TENM2: variants seen among roughly 807,000 people sequenced by gnomAD.
The protein encoded by TENM2 is teneurin transmembrane protein 2, also known as teneurin-2.
In TENM2, 52 loss-of-function variants were observed where a neutral mutation model predicts 245.2. The observed-to-expected ratio is 0.21, with a 90% CI of 0.17 to 0.27. The LOEUF (loss-of-function observed/expected upper bound fraction) is 0.27, where lower values mean the gene tolerates loss of function less well. Among genes scored for constraint, TENM2 ranks in the 10% least tolerant of loss-of-function variants. The pLI is 1.00. For synonymous variants in TENM2, 1,363 were observed against 1,438.9 expected, an observed-to-expected ratio of 0.95 and a Z score of 1.19; for missense variants, 3,046 against 3,666.8, an observed-to-expected ratio of 0.83 and a Z score of 4.37.
the TENM2 span, among the ~76,000 whole-genome samples, chr5:167,085,098 T>A: frequency 6.6e-6 from 1 of 152,056 alleles, no homozygotes; most frequent in South Asian, 2.1e-4. Context: ...CAAGAGACAA[T>A]GTAAAGGCAA....
At chr5:167,411,757 T>C (rs1387320588) in intron 2 of TENM2, among the ~76,000 whole-genome samples, 1 of 152,104 alleles carries the variant, frequency 6.6e-6, no homozygotes, top group Non-Finnish European at 1.5e-5. Context: ...TGCAAAATCA[T>C]GTTATTAAAA....
intron 2 of TENM2, among the ~76,000 whole-genome samples, chr5:167,744,906 C>A (rs1445993345): frequency 6.6e-6 from 1 of 152,166 alleles, no homozygotes; most frequent in African/African-American, 2.4e-5. Context: ...TTTAATATGT[C>A]AATTATTCCC....
At chr5:167,198,426 G>A in the TENM2 span, among the ~76,000 whole-genome samples, 1 of 152,084 alleles carries the variant, frequency 6.6e-6, no homozygotes, top group Non-Finnish European at 1.5e-5. Context: ...TGATCTAGGT[G>A]TGACCCCTCT....
intron 7 of TENM2, among the ~76,000 whole-genome samples, chr5:168,081,140 G>A (rs1263426551): frequency 1.3e-5 from 2 of 152,170 alleles, no homozygotes; most frequent in Non-Finnish European, 1.5e-5. Context: ...ATATATTTAG[G>A]ATAGTTAGCT....
chr5:167,892,754 C>T (rs535129616), intron 3 of TENM2, among the ~76,000 whole-genome samples: 1 of 152,314 alleles, frequency 6.6e-6, no homozygotes, highest in Non-Finnish European at 1.5e-5. Flanking sequence ...ATGCCTTATT[C>T]CCTTCCCCAT....
intron 4 of TENM2, among the ~76,000 whole-genome samples, chr5:167,962,170 T>A (rs1781063230): frequency 1.3e-5 from 2 of 152,166 alleles, no homozygotes; most frequent in African/African-American, 4.8e-5. Context: ...CTTCTTCAGA[T>A]CCTTTGAATA....
At chr5:167,691,045 T>C (rs2150405450) in intron 2 of TENM2, among the ~76,000 whole-genome samples, 1 of 151,696 alleles carries the variant, frequency 6.6e-6, no homozygotes, top group Admixed American at 6.6e-5. Flanking sequence ...ACCAGAAACT[T>C]TGAAGACAAA....
chr5:167,151,730 G>A, the TENM2 span, among the ~76,000 whole-genome samples: 235 of 152,234 alleles, frequency 1.5e-3, 1 homozygote, highest in African/African-American at 5.2e-3. Flanking sequence ...TGTTGGCCAC[G>A]ACGGTCTTGA....
the TENM2 span, among the ~76,000 whole-genome samples, chr5:167,064,362 G>A: frequency 6.6e-6 from 1 of 152,206 alleles, no homozygotes; most frequent in East Asian, 1.9e-4. Flanking sequence ...GTGCAGAAAA[G>A]GGAAGCAGCT....
chr5:167,033,877 T>A, the TENM2 span, among the ~76,000 whole-genome samples: 3 of 152,344 alleles, frequency 2.0e-5, no homozygotes, highest in East Asian at 3.9e-4. Flanking sequence ...TGTGACTCAA[T>A]AAATTTTTTA....
At chr5:167,984,271 G>A (rs991956030) in intron 4 of TENM2, among the ~76,000 whole-genome samples, 1 of 152,174 alleles carries the variant, frequency 6.6e-6, no homozygotes, top group African/African-American at 2.4e-5. Flanking sequence ...ATGAGGAAAT[G>A]TTTCTATGTA....
At chr5:167,523,444 C>T (rs1377167140) in intron 2 of TENM2, among the ~76,000 whole-genome samples, 1 of 151,992 alleles carries the variant, frequency 6.6e-6, no homozygotes, top group Non-Finnish European at 1.5e-5. Flanking sequence ...CGATTCAATT[C>T]AATTCAACAA....
chr5:167,018,486 G>C, the TENM2 span, among the ~76,000 whole-genome samples: 1 of 151,758 alleles, frequency 6.6e-6, no homozygotes, highest in Non-Finnish European at 1.5e-5. Flanking sequence ...AGTAATGAAG[G>C]TTCATTATGA....
intron 3 of TENM2, among the ~76,000 whole-genome samples, chr5:167,897,467 A>G (rs1775311335): frequency 6.6e-6 from 1 of 152,238 alleles, no homozygotes; most frequent in African/African-American, 2.4e-5. Flanking sequence ...CAGGTCTTAA[A>G]AAGATTTATA....
At chr5:167,447,239 T>G (rs2127469289) in intron 2 of TENM2, among the ~76,000 whole-genome samples, 1 of 152,352 alleles carries the variant, frequency 6.6e-6, no homozygotes, top group Non-Finnish European at 1.5e-5. Flanking sequence ...TTCTAAAGAT[T>G]ATTGTTTGAA....
the TENM2 span, among the ~76,000 whole-genome samples, chr5:167,251,466 C>G: frequency 2.6e-5 from 4 of 152,206 alleles, no homozygotes; most frequent in Middle Eastern, 3.4e-3. Context: ...TAATGTCTTA[C>G]AGTGTCCTTC....
At chr5:167,690,468 G>C (rs146960023) in intron 2 of TENM2, among the ~76,000 whole-genome samples, 1 of 152,158 alleles carries the variant, frequency 6.6e-6, no homozygotes, top group African/African-American at 2.4e-5. Flanking sequence ...ATTTGGGAAG[G>C]ACTTCTCATA....
At chr5:167,860,360 G>A in intron 2 of TENM2, among the ~76,000 whole-genome samples, 1 of 100,590 alleles carries the variant, frequency 9.9e-6, no homozygotes, top group Non-Finnish European at 2.0e-5. Flanking sequence ...CCGTCCGGGA[G>A]GGAGGTTGGG....
the TENM2 span, among the ~76,000 whole-genome samples, chr5:167,230,587 A>T: frequency 6.6e-6 from 1 of 152,166 alleles, no homozygotes. Flanking sequence ...CATCAGAATC[A>T]TCAGTAGATA....
Sources: allele counts gnomAD v4.1 joint callset (sites outside exome capture counted in the v4.1 genomes callset), GRCh38; gene constraint gnomAD v4.1.1; transcripts MANE v1.5; gene names NCBI Gene and HGNC (gene_info 2026-07-23, HGNC 2026-07-21).